The following PLPPR1 variants were observed in gnomAD, a reference collection of about 807,000 sequenced individuals.
PLPPR1 encodes phospholipid phosphatase-related protein type 1.
Under a neutral mutation model 33.1 loss-of-function variants are expected in PLPPR1, and 10 were observed. The ratio of observed to expected loss-of-function variants is 0.30; its 90% CI spans 0.19 to 0.51. PLPPR1 has a LOEUF of 0.51. Ranked by LOEUF, PLPPR1 falls within the 20% of genes least tolerant of loss-of-function variation. PLPPR1 has a pLI of 0.97. For missense variants in PLPPR1, 304 were observed against 408.1 expected, an observed-to-expected ratio of 0.74 and a Z score of 2.20; for synonymous variants, 151 against 151.0, an observed-to-expected ratio of 1.00 and a Z score of 0.00.
At chr9:101,277,799 AAC>A (rs1331187054) in intron 3 of PLPPR1, among the ~76,000 whole-genome samples, 1 of 152,186 alleles carries the variant, frequency 6.6e-6, no homozygotes, top group East Asian at 1.9e-4. Flanking sequence ...CTCCTGTTTC[AAC>A]ACACATTCTT....
At chr9:101,158,656 G>A (rs757406917) in intron 1 of PLPPR1, among the ~76,000 whole-genome samples, 4 of 152,196 alleles carry the variant, frequency 2.6e-5, no homozygotes, top group Non-Finnish European at 4.4e-5. Context: ...CAACCAAAAG[G>A]TGGGAAAGCT....
rs1398427127 is a variant in PLPPR1 at position 101,078,087 on chromosome 9, G to GAGGAGAAGGAGAAGGAGA, written c.-46+48988_-46+49005dup. 3.3e-3 allele frequency among the ~76,000 whole-genome samples: 223 copies of GAGGAGAAGGAGAAGGAGA among 67,852 alleles called. 32 individuals are homozygous for GAGGAGAAGGAGAAGGAGA. Among genetic ancestry groups the GAGGAGAAGGAGAAGGAGA allele is most frequent in the East Asian group, 5.5e-3 (11 of 1,986 alleles). 44.5% of individuals were successfully genotyped at this position (67,852 alleles called of 152,430 possible). ...GAAAAGAGAGTCTGGAATGGAGGAG[G>GAGGAGAAGGAGAAGGAGA]AGGAGAAGGAGAAGGAGAAGAAGAA... On this transcript the variant is annotated intron_variant, in intron 1 of 7. Coordinates refer to ENST00000374874, the MANE Select transcript of PLPPR1 (RefSeq NM_207299.2).
At chr9:101,143,615 C>T (rs527671482) in intron 1 of PLPPR1, among the ~76,000 whole-genome samples, 9 of 152,186 alleles carry the variant, frequency 5.9e-5, no homozygotes, top group South Asian at 2.1e-4. Flanking sequence ...AAAAAGTGGG[C>T]GAAGGATATG....
intron 1 of PLPPR1, among the ~76,000 whole-genome samples, chr9:101,155,480 G>T (rs2417242): frequency 6.6e-6 from 1 of 152,076 alleles, no homozygotes; most frequent in East Asian, 1.9e-4. Flanking sequence ...CCAGGAACCC[G>T]CACCCGTGAC....
intron 1 of PLPPR1, among the ~76,000 whole-genome samples, chr9:101,146,260 GA>G (rs946382652): frequency 6.6e-6 from 1 of 152,090 alleles, no homozygotes; most frequent in African/African-American, 2.4e-5. Context: ...AATGTTTGTT[GA>G]AAAAATGACT....
At chr9:101,195,377 C>G (rs563981685) in intron 2 of PLPPR1, among the ~76,000 whole-genome samples, 1 of 152,068 alleles carries the variant, frequency 6.6e-6, no homozygotes, top group South Asian at 2.1e-4. Context: ...AAAAGTAAGT[C>G]CCAAATCATC....
chr9:101,074,063 G>T (rs910118347), intron 1 of PLPPR1, among the ~76,000 whole-genome samples: 5 of 152,128 alleles, frequency 3.3e-5, no homozygotes, highest in African/African-American at 1.2e-4. Context: ...CTCAGGCCTT[G>T]CCATAGTAAA....
At chr9:101,279,937 G>A (rs1039614525) in intron 3 of PLPPR1, among the ~76,000 whole-genome samples, 1 of 151,912 alleles carries the variant, frequency 6.6e-6, no homozygotes, top group Non-Finnish European at 1.5e-5. Context: ...CCCAAATTAT[G>A]CAAAGAAATA....
chr9:101,088,558 CT>C (rs1830705049), intron 1 of PLPPR1, among the ~76,000 whole-genome samples: 1 of 151,954 alleles, frequency 6.6e-6, no homozygotes, highest in Non-Finnish European at 1.5e-5. Context: ...TGTTTCCTTT[CT>C]TTTAAAAAAA....
chr9:101,318,969 T>C (rs532870186), intron 7 of PLPPR1, among the ~76,000 whole-genome samples: 17 of 152,324 alleles, frequency 1.1e-4, no homozygotes, highest in South Asian at 8.3e-4. Flanking sequence ...AAAGTGTTTA[T>C]GTTTTGTCAT....
chr9:101,186,529 C>T (rs1429047028), intron 2 of PLPPR1, among the ~76,000 whole-genome samples: 1 of 151,704 alleles, frequency 6.6e-6, no homozygotes, highest in African/African-American at 2.4e-5. Flanking sequence ...CATATAAAAA[C>T]AAAGTTGGGT....
At chr9:101,310,500 C>T (rs77498727) in intron 5 of PLPPR1, among the ~76,000 whole-genome samples, 2,193 of 152,306 alleles carry the variant, frequency 0.014, 27 homozygotes, top group Non-Finnish European at 0.021. Context: ...AACCCACCCC[C>T]CAGGGAGATG....
intron 7 of PLPPR1, among the ~76,000 whole-genome samples, chr9:101,318,250 C>T (rs1311899917): frequency 6.6e-6 from 1 of 152,018 alleles, no homozygotes; most frequent in Non-Finnish European, 1.5e-5. Context: ...ATCAGAGGTG[C>T]ACAAAGTGCT....
At chr9:101,309,615 C>CCA (rs1491183850) in intron 5 of PLPPR1, among the ~76,000 whole-genome samples, 154 bp downstream of exon 5, 1 of 152,016 alleles carries the variant, frequency 6.6e-6, no homozygotes, top group South Asian at 2.1e-4. Flanking sequence ...ACTAGCCCCC[C>CCA]CACACACACA....
chr9:101,257,591 A>G lies in PLPPR1; in HGVS notation c.64-12289A>G, dbSNP rs187704718. Among the ~76,000 whole-genome samples the G allele has an allele frequency of 2.6e-5, 4 of 152,274 alleles. No homozygotes were observed. The East Asian group carries it at 7.7e-4, about 29-fold the overall frequency. ...GCTGTGAAGACTTCCGAGCAATTTC[A>G]GGAGCTTTAGTGTTCATCTAAGCCA... On this transcript the variant is annotated intron_variant, in intron 2 of 7. Transcript: ENST00000374874.
intron 1 of PLPPR1, among the ~76,000 whole-genome samples, chr9:101,158,283 G>T (rs553983397): frequency 7.4e-4 from 112 of 152,248 alleles, no homozygotes; most frequent in African/African-American, 2.6e-3. Flanking sequence ...GAGTTAGGAA[G>T]ATATCTGGAA....
chr9:101,165,785 TA>T (rs1825847037), intron 1 of PLPPR1, among the ~76,000 whole-genome samples: 1 of 152,196 alleles, frequency 6.6e-6, no homozygotes, highest in Non-Finnish European at 1.5e-5. Context: ...GTGAGGGATT[TA>T]AATAAATAAG....
At chr9:101,066,347 A>G (rs1289353165) in intron 1 of PLPPR1, among the ~76,000 whole-genome samples, 1 of 151,848 alleles carries the variant, frequency 6.6e-6, no homozygotes, top group African/African-American at 2.4e-5. Flanking sequence ...TATGTGTCAG[A>G]TTTCTCCACT....
intron 2 of PLPPR1, among the ~76,000 whole-genome samples, chr9:101,251,504 C>G (rs557721960): frequency 6.6e-6 from 1 of 152,052 alleles, no homozygotes; most frequent in African/African-American, 2.4e-5. Flanking sequence ...TATAGATTAC[C>G]ACCAGGGTCA....
Sources: gnomAD v4.1 joint callset for allele counts (sites outside exome capture counted in the v4.1 genomes callset) on GRCh38, gnomAD v4.1.1 for gene constraint, MANE v1.5 for transcripts, NCBI Gene and HGNC (gene_info 2026-07-23, HGNC 2026-07-21) for gene names.